Variants in DPF1 observed in about 807,000 individuals in gnomAD.
The protein encoded by DPF1 is double PHD fingers 1.
A neutral mutation model predicts 58.7 loss-of-function variants in DPF1; 14 were observed. The observed-to-expected ratio is 0.24, with a 90% CI of 0.16 to 0.37. The LOEUF (loss-of-function observed/expected upper bound fraction) is 0.37, where lower values mean the gene tolerates loss of function less well. DPF1 is among the 10% of genes least tolerant of loss of function. The pLI is 1.00. For synonymous variants in DPF1, 216 were observed against 216.0 expected (o/e 1.00, Z 0.00); for missense variants, 345 against 529.9 (o/e 0.65, Z 3.43).
At position 38,211,756 on chromosome 19, in the gene DPF1, G is replaced by GC. The variant is rs754166589; in HGVS notation, c.*306dup. The GC allele has an allele frequency of 2.5e-6, 1 of 405,542 alleles. No individual in the cohort carries two copies. Among genetic ancestry groups the GC allele is most frequent in the African/African-American group, 2.1e-5 (1 of 46,864 alleles). 25.1% of individuals were successfully genotyped at this position (405,542 alleles called of 1,614,324 possible). On this transcript the variant is annotated 3_prime_UTR_variant, in exon 12 of 12. Coordinates refer to ENST00000355526, the MANE Select transcript of DPF1 (RefSeq NM_001135155.3). The surrounding 1 kb of genome is among the most constrained non-coding windows in gnomAD (Gnocchi z 4.0). The stretch of plus-strand genomic sequence containing the variant: ...TTCTTTAGAAAAAGGCTCTGTCCAT[G>GC]CCCCTGGCTGGCACCCACCACCCCC...
upstream of DPF1, among the ~76,000 whole-genome samples, chr19:38,225,989 T>A (rs1216408638): frequency 1.3e-5 from 2 of 152,062 alleles, no homozygotes. Context: ...GCTTTTATTA[T>A]CTGCATTTTC....
chr19:38,220,615 CAAAAA>C (rs35250280), intron 3 of DPF1, among the ~76,000 whole-genome samples: 1 of 115,760 alleles, frequency 8.6e-6, no homozygotes, highest in Non-Finnish European at 1.8e-5. Flanking sequence ...GACTCCGTCT[CAAAAA>C]AAAAAAAGAA....
upstream of DPF1, chr19:38,224,232 TC>T: frequency 7.8e-7 from 1 of 1,281,310 alleles, no homozygotes; most frequent in Non-Finnish European, 9.9e-7. The surrounding 1 kb of genome is among the most constrained non-coding windows in gnomAD (Gnocchi z 4.5). Flanking sequence ...ATCCATTCAT[TC>T]CCGGGGGGCG....
intron 11 of DPF1, 42 bp downstream of exon 11, chr19:38,212,238 T>TTGGCC: frequency 1.7e-6 from 1 of 585,168 alleles, no homozygotes; most frequent in Non-Finnish European, 3.0e-6. Flanking sequence ...GAGATGGCGT[T>TTGGCC]CCCACCCACC....
chr19:38,212,733 T>A (rs529391631), intron 10 of DPF1, among the ~76,000 whole-genome samples: 8 of 149,674 alleles, frequency 5.3e-5, no homozygotes, highest in South Asian at 2.1e-4. Context: ...CCTGCCTCAG[T>A]CTCCTGAGCT....
In DPF1 at chr19:38,215,117, G is replaced by A. The variant is rs138249724; in HGVS notation, c.898+1023C>T. Reference sequence around the variant, plus strand: ...CAAAGTGCTGGGATTACAGATGTGAGCCACATCACCCAGCCTGGCCTATTT... The same window carrying A: ...CAAAGTGCTGGGATTACAGATGTGAACCACATCACCCAGCCTGGCCTATTT... On this transcript the variant is annotated intron_variant, in intron 9 of 11. Coordinates refer to ENST00000355526, the MANE Select transcript of DPF1 (RefSeq NM_001135155.3). Among the ~76,000 whole-genome samples the A allele has an allele frequency of 6.8e-4, 103 of 151,568 alleles. 6 individuals are homozygous for A. In the East Asian group the frequency reaches 0.019, roughly 28 times the overall value.
intron 5 of DPF1, among the ~76,000 whole-genome samples, chr19:38,218,105 G>T (rs1967174434): frequency 6.6e-6 from 1 of 152,218 alleles, no homozygotes; most frequent in African/African-American, 2.4e-5. Context: ...GGGAGGCTGA[G>T]GCAGGAGAAT....
Position 38,212,036 on chromosome 19 carries a change from C to A in DPF1, c.*27G>T, listed in dbSNP as rs779315260. ...GGAGAGGCAGGTAGGCGAGCACCAC[C>A]CCAGAGTCGCGGCGAGCCGAGCCGG... On this transcript the variant is annotated 3_prime_UTR_variant, in exon 12 of 12. Transcript: ENST00000355526. 6.2e-7 allele frequency: 1 copy of A among 1,601,888 alleles called. No individual in the cohort carries two copies. The highest frequency in any genetic ancestry group is 1.1e-5 in the South Asian group (1 of 88,960).
chr19:38,212,171 C>CG (rs748098801), intron 11 of DPF1, 38 bp from the exon 12 acceptor site: 1 of 1,594,206 alleles, frequency 6.3e-7, no homozygotes, highest in Admixed American at 1.8e-5. Context: ...GGCCCGGGTC[C>CG]GGGAGGGCTG....
In DPF1 at chr19:38,217,603, G is replaced by T. The variant is rs1201763731; in HGVS notation, c.596-12C>A. Reference sequence around the variant, plus strand: ...CCGTTTCCCACAGACTGGGGAGCGAGCGAGCCAGGAGGGCCTGTCAGCCCC... The same window carrying T: ...CCGTTTCCCACAGACTGGGGAGCGATCGAGCCAGGAGGGCCTGTCAGCCCC... On this transcript the variant is annotated splice_polypyrimidine_tract_variant and intron_variant, in intron 6 of 11. Transcript: ENST00000355526. 1.3e-6 allele frequency: 2 copies of T among 1,543,842 alleles called. No individual in the cohort carries two copies. Among genetic ancestry groups the T allele is most frequent in the South Asian group, 2.4e-5 (2 of 83,292 alleles).
At chr19:38,223,933 G>C in intron 1 of DPF1, 181 bp downstream of exon 1, 1 of 787,480 alleles carries the variant, frequency 1.3e-6, no homozygotes, top group Non-Finnish European at 1.7e-6. Flanking sequence ...CCAGGGAGCG[G>C]TGCATCCGAC....
Position 38,216,263 on chromosome 19 carries a change from C to G in DPF1, c.779-4G>C, listed in dbSNP as rs1271601281. The G allele has an allele frequency of 6.2e-7, 1 of 1,613,994 alleles. No individual in the cohort carries two copies. The highest frequency in any genetic ancestry group is 8.5e-7 in the Non-Finnish European group (1 of 1,179,876). Reference sequence around the variant, plus strand: ...GTGCCGTCGGGCGCCTTCTTGGCTGCAAGACAGCAGACAGGCATTGGCACG... The same window carrying G: ...GTGCCGTCGGGCGCCTTCTTGGCTGGAAGACAGCAGACAGGCATTGGCACG... On this transcript the variant is annotated splice_polypyrimidine_tract_variant and splice_region_variant and intron_variant, in intron 8 of 11. Coordinates refer to ENST00000355526, the MANE Select transcript of DPF1 (RefSeq NM_001135155.3).
chr19:38,228,309 G>T (rs1967909998), upstream of DPF1, among the ~76,000 whole-genome samples: 2 of 146,664 alleles, frequency 1.4e-5, 1 homozygote, highest in South Asian at 4.6e-4. Flanking sequence ...CCAGAAACCA[G>T]AAGCAACTGG....
chr19:38,228,534 C>T (rs1353265966), upstream of DPF1: 1 of 149,022 alleles, frequency 6.7e-6, no homozygotes, highest in Non-Finnish European at 1.5e-5. Context: ...CCTCCTCCAC[C>T]AGGCCCGGGA....
chr19:38,217,282 G>A (rs1478650019), intron 7 of DPF1, 178 bp downstream of exon 7: 10 of 752,266 alleles, frequency 1.3e-5, no homozygotes, highest in Middle Eastern at 3.9e-4. Context: ...GCGAAGGAGC[G>A]ATGGTTGGTT....
At chr19:38,215,726 A>T (rs1187345210) in intron 9 of DPF1, among the ~76,000 whole-genome samples, 1 of 152,024 alleles carries the variant, frequency 6.6e-6, no homozygotes, top group Non-Finnish European at 1.5e-5. Context: ...ACAACAACAC[A>T]CCTGGATAAT....
chr19:38,218,264 G>A (rs1268664063), intron 5 of DPF1, among the ~76,000 whole-genome samples: 1 of 152,228 alleles, frequency 6.6e-6, no homozygotes, highest in Admixed American at 6.5e-5. Context: ...TCAAATTGCA[G>A]CTGTACAAAT....
At chr19:38,228,390 C>G (rs570675584), upstream of DPF1, among the ~76,000 whole-genome samples, 1 of 151,730 alleles carries the variant, frequency 6.6e-6, no homozygotes, top group Non-Finnish European at 1.5e-5. Flanking sequence ...CTCTCTCCCT[C>G]TCTCCCCCCA....
chr19:38,213,538 G>C, intron 10 of DPF1, 106 bp downstream of exon 10: 1 of 902,728 alleles, frequency 1.1e-6, no homozygotes, highest in South Asian at 1.4e-5. Context: ...CAGGGGACTG[G>C]TGTTCACCAG....
Sources: allele counts gnomAD v4.1 joint callset (sites outside exome capture counted in the v4.1 genomes callset), GRCh38; gene constraint gnomAD v4.1.1; non-coding constraint Gnocchi (gnomAD v3.1); transcripts MANE v1.5; gene names NCBI Gene and HGNC (gene_info 2026-07-23, HGNC 2026-07-21).